The following TMC8 variants were observed in gnomAD, a reference collection of about 807,000 sequenced individuals.
TMC8 encodes the protein transmembrane channel like 8.
TMC8 carries 71 observed loss-of-function variants against 76.0 expected under a neutral mutation model. The ratio of observed to expected loss-of-function variants is 0.93; its 90% CI spans 0.77 to 1.14. The LOEUF (loss-of-function observed/expected upper bound fraction) is 1.14. TMC8 is among the 50% of genes most tolerant of loss of function. The pLI, the probability that TMC8 is intolerant of heterozygous loss-of-function variation, is 0.00. For synonymous variants in TMC8, 433 were observed against 433.8 expected, an observed-to-expected ratio of 1.00 and a Z score of 0.02; for missense variants, 924 against 947.9, an observed-to-expected ratio of 0.97 and a Z score of 0.33.
intron 9 of TMC8, 102 bp downstream of exon 9, chr17:78,135,111 G>T (rs1188664980): frequency 1.3e-6 from 2 of 1,501,326 alleles, no homozygotes; most frequent in Non-Finnish European, 9.2e-7. Context: ...CAGCTGAGAG[G>T]CTTCCCCCTT....
At chr17:78,134,098 A>T (rs1278799448) in intron 7 of TMC8, 98 bp downstream of exon 7, 1 of 1,558,456 alleles carries the variant, frequency 6.4e-7, no homozygotes, top group Non-Finnish European at 8.8e-7. Context: ...AGCAAGTGCG[A>T]CCGTGCCAGT....
In TMC8 at chr17:78,132,131, G is replaced by C. The variant is rs1377220256; in HGVS notation, c.298+101G>C. 2.8e-5 allele frequency: 42 copies of C among 1,515,440 alleles called. 1 individual carries two copies. In the East Asian group the frequency reaches 1.0e-3, roughly 37 times the overall value. 93.9% of individuals were successfully genotyped at this position (1,515,440 alleles called of 1,614,324 possible). On this transcript the variant is annotated intron_variant, in intron 3 of 15. Coordinates refer to ENST00000318430, the MANE Select transcript of TMC8 (RefSeq NM_152468.5). ...CATCATCCCACCTGCCTTCACCCGG[G>C]TCCCCCGACCAATCGGCCCCTCCCC...
intron 9 of TMC8, 177 bp from the exon 10 acceptor site, chr17:78,137,058 G>T: frequency 2.3e-6 from 2 of 887,390 alleles, no homozygotes; most frequent in Non-Finnish European, 3.4e-6. Flanking sequence ...ATCGCCTGGA[G>T]ACTCGGACTC....
Position 78,138,190 on chromosome 17 carries a change from T to TGAC in TMC8, c.1533+4_1533+6dup. 1.2e-6 allele frequency: 2 copies of TGAC among 1,613,680 alleles called. No homozygotes were observed. The highest frequency in any genetic ancestry group is 2.2e-5 in the South Asian group (2 of 91,068). ...TTCCTCACCTTCTACATCAAGAAGGTGACGGCTCATGGCTGGGGGGTATGG... is the reference window on the plus strand; with the variant it reads ...TTCCTCACCTTCTACATCAAGAAGGTGACGACGGCTCATGGCTGGGGGGTATGG... On this transcript the variant is annotated splice_region_variant and intron_variant, in intron 12 of 15. Transcript: ENST00000318430.
chr17:78,138,813 AC>A (rs1567805783), intron 14 of TMC8, 81 bp downstream of exon 14: 2 of 1,583,538 alleles, frequency 1.3e-6, no homozygotes, highest in African/African-American at 2.7e-5. Context: ...GAGCCTGTGC[AC>A]CCCCAACCAG....
In TMC8 at chr17:78,138,719, C is replaced by A. The variant is rs775981986; in HGVS notation, c.1810C>A (p.Leu604Ile). 1.9e-6 allele frequency: 3 copies of A among 1,608,698 alleles called. No individual in the cohort carries two copies. The highest frequency in any genetic ancestry group is 2.2e-5 in the South Asian group (2 of 91,082). Residue 604 changes from leucine to isoleucine, a missense_variant, in exon 14 of 16, where the codon CTC (leucine) becomes ATC (isoleucine). Physicochemically the swap from Leu to Ile is conservative, Grantham distance 5 (BLOSUM62 2). Coordinates refer to ENST00000318430, the MANE Select transcript of TMC8 (RefSeq NM_152468.5). ...CTCCCACGCCTTCAGCTTCCCCCTCCTCATCATGCTCAGGTTCTCAGGGCA... is the reference window on the plus strand; with the variant it reads ...CTCCCACGCCTTCAGCTTCCCCCTCATCATCATGCTCAGGTTCTCAGGGCA... ...LGSHAFSFPLLIMLSLVLTVC... is the reference protein window; with the variant it reads ...LGSHAFSFPLIIMLSLVLTVC...
At position 78,137,823 on chromosome 17, in the gene TMC8, C is replaced by T. The variant is rs750856675; in HGVS notation, c.1349+9C>T. 23 of 1,612,248 alleles carry T rather than the reference C, an allele frequency of 1.4e-5. No homozygotes were observed. Among genetic ancestry groups the T allele is most frequent in the African/African-American group, 1.1e-4 (8 of 74,910 alleles). ...GTCACCCTGCCTCGGAGGTGAGCCC[C>T]GGGGTGACACCTCCAGAAGGGCGGG... On this transcript the variant is annotated intron_variant, in intron 11 of 15. Transcript: ENST00000318430.
At chr17:78,132,699 C>T (rs2075055796) in intron 4 of TMC8, 89 bp from the exon 5 acceptor site, 2 of 1,544,712 alleles carry the variant, frequency 1.3e-6, no homozygotes, top group African/African-American at 2.7e-5. Flanking sequence ...CCCAGGCCTC[C>T]CCAGGGTTGG....
In TMC8 at chr17:78,138,045, C is replaced by G; in HGVS notation, c.1390C>G (p.Leu464Val). Residue 464 changes from leucine to valine, a missense_variant, in exon 12 of 16, where the codon CTG becomes GTG. Transcript: ENST00000318430. Reference protein sequence around the residue: ...DRFSGRFWAWLEREEFLVPKN... With the variant: ...DRFSGRFWAWVEREEFLVPKN... ...GTTCTCAGGCCGGTTCTGGGCCTGG[C>G]TGGAACGGGAGGAGTTCCTGGTCCC... 6.2e-7 allele frequency: 1 copy of G among 1,614,014 alleles called. No homozygotes were observed. The highest frequency in any genetic ancestry group is 8.5e-7 in the Non-Finnish European group (1 of 1,180,014).
intron 5 of TMC8, among the ~76,000 whole-genome samples, 156 bp from the exon 6 acceptor site, chr17:78,133,250 C>T (rs564906788): frequency 5.3e-5 from 8 of 152,268 alleles, no homozygotes; most frequent in African/African-American, 1.9e-4. Flanking sequence ...GCCCTGTGAC[C>T]GTGGGCACGT....
In TMC8 at chr17:78,139,246, T is replaced by C. The variant is rs1013310709; in HGVS notation, c.1902+6T>C. ...TCCGGAAGCAGCTGGTGTGGGTGAG[T>C]GTCCTCGGGGCTGGTGAGGGGACAG... On this transcript the variant is annotated splice_donor_region_variant and intron_variant, in intron 15 of 15. Coordinates refer to ENST00000318430, the MANE Select transcript of TMC8 (RefSeq NM_152468.5). The C allele has an allele frequency of 3.7e-6, 6 of 1,613,146 alleles. No homozygotes were observed. Among genetic ancestry groups the C allele is most frequent in the East Asian group, 4.5e-5 (2 of 44,878 alleles).
intron 15 of TMC8, 119 bp from the exon 16 acceptor site, chr17:78,140,715 C>A: frequency 7.3e-7 from 1 of 1,379,028 alleles, no homozygotes; most frequent in Non-Finnish European, 1.0e-6. Context: ...CGGGGCGTGG[C>A]CTCTGGCTAC....
At chr17:78,138,820 A>C (rs536447314) in intron 14 of TMC8, 88 bp downstream of exon 14, 18 of 1,580,328 alleles carry the variant, frequency 1.1e-5, no homozygotes, top group Non-Finnish European at 1.5e-5. Flanking sequence ...TGCACCCCCA[A>C]CCAGGAGCCA....
Position 78,131,405 on chromosome 17 carries a change from G to T in TMC8, c.-184G>T. 1 of 786,382 alleles carries T rather than the reference G, an allele frequency of 1.3e-6. No homozygotes were observed. Among genetic ancestry groups the T allele is most frequent in the Non-Finnish European group, 2.0e-6 (1 of 495,290 alleles). The allele number at this position is 786,382 out of a possible 1,614,324, so 48.7% of individuals were successfully genotyped here. Reference sequence around the variant, plus strand: ...CGGAGGTGGCAGAGCGGCAGACCCGGGCAAGTGAACCCTAGGGCTGCAGGA... The same window carrying T: ...CGGAGGTGGCAGAGCGGCAGACCCGTGCAAGTGAACCCTAGGGCTGCAGGA... On this transcript the variant is annotated 5_prime_UTR_variant, in exon 2 of 16. Transcript: ENST00000318430.
chr17:78,138,053 G>A lies in TMC8; in HGVS notation c.1398G>A (p.Arg466=). ...FSGRFWAWLE[R]EEFLVPKNVL... ...GCCGGTTCTGGGCCTGGCTGGAACG[G>A]GAGGAGTTCCTGGTCCCCAAGAATG... The change falls in exon 12 of 16, where the codon CGG becomes CGA. Residue 466 remains arginine (R), a synonymous_variant. Transcript: ENST00000318430. 6.2e-7 allele frequency: 1 copy of A among 1,614,036 alleles called. No homozygotes were observed. The highest frequency in any genetic ancestry group is 1.3e-5 in the African/African-American group (1 of 75,036).
Position 78,141,663 on chromosome 17 carries a change from G to C in TMC8, c.*551G>C, listed in dbSNP as rs1215243529. Reference sequence around the variant, plus strand: ...ACAGCGTCAGCCAGGGCCAGAGCTGGGATTTGAACCCAGGCACTCGGGCTC... The same window carrying C: ...ACAGCGTCAGCCAGGGCCAGAGCTGCGATTTGAACCCAGGCACTCGGGCTC... On this transcript the variant is annotated 3_prime_UTR_variant, in exon 16 of 16. Coordinates refer to ENST00000318430, the MANE Select transcript of TMC8 (RefSeq NM_152468.5). 1 of 152,270 alleles carries C rather than the reference G, an allele frequency of 6.6e-6. No individual in the cohort carries two copies. Among genetic ancestry groups the C allele is most frequent in the Admixed American group, 6.5e-5 (1 of 15,290 alleles). The allele number at this position is 152,270 out of a possible 1,614,324, so 9.4% of individuals were successfully genotyped here.
At chr17:78,136,056 A>G (rs1268380971) in intron 9 of TMC8, among the ~76,000 whole-genome samples, 1 of 152,152 alleles carries the variant, frequency 6.6e-6, no homozygotes, top group Non-Finnish European at 1.5e-5. Flanking sequence ...TTCATCTCAA[A>G]AAAGAAAACA....
chr17:78,140,688 CG>C (rs1229341665), intron 15 of TMC8, 145 bp from the exon 16 acceptor site: 3 of 1,116,300 alleles, frequency 2.7e-6, no homozygotes, highest in East Asian at 2.6e-5. Flanking sequence ...TGGCCTCGAG[CG>C]GGGCGTGGCC....
rs2075394302 is a variant in TMC8, at chr17:78,142,806, T to A, written c.*1694T>A. ...ATCAGAGCATCCCTTTGGCAAACCA[T>A]ACTGAGAAACAACCACGTGCATCAC... On this transcript the variant is annotated 3_prime_UTR_variant, in exon 16 of 16. Transcript: ENST00000318430. The A allele has an allele frequency of 6.6e-6, 1 of 152,096 alleles. No individual in the cohort carries two copies. The highest frequency in any genetic ancestry group is 2.4e-5 in the African/African-American group (1 of 41,384). The allele number at this position is 152,096 out of a possible 1,614,324, so 9.4% of individuals were successfully genotyped here.
Sources: allele counts gnomAD v4.1 joint callset (sites outside exome capture counted in the v4.1 genomes callset), GRCh38; gene constraint gnomAD v4.1.1; transcripts MANE v1.5; gene names NCBI Gene and HGNC (gene_info 2026-07-23, HGNC 2026-07-21).